The following MSR1 variants were observed in gnomAD, a reference collection of about 807,000 sequenced individuals.
The protein encoded by MSR1 is macrophage scavenger receptor 1.
A neutral mutation model predicts 47.2 loss-of-function variants in MSR1; 53 were observed. That is an observed-to-expected ratio of 1.12 (90% confidence interval 0.90 to 1.41). The LOEUF (loss-of-function observed/expected upper bound fraction) is 1.41, where lower values mean the gene tolerates loss of function less well. MSR1 is among the 40% of genes most tolerant of loss of function. The pLI, the probability that MSR1 is intolerant of heterozygous loss-of-function variation, is 0.00. For missense variants in MSR1, 786 were observed against 546.9 expected (o/e 1.44, Z -4.36); for synonymous variants, 239 against 185.6 (o/e 1.29, Z -2.34).
intron 8 of MSR1, chr8:16,120,991 A>C (rs1311566592): frequency 2.6e-5 from 8 of 312,878 alleles, no homozygotes; most frequent in Non-Finnish European, 4.9e-5. Flanking sequence ...ACAAACATAC[A>C]AACTTATCAA....
chr8:16,133,191 T>A (rs916301382), intron 8 of MSR1, among the ~76,000 whole-genome samples: 3 of 152,172 alleles, frequency 2.0e-5, no homozygotes, highest in Non-Finnish European at 2.9e-5. Flanking sequence ...ATAAGCTCCA[T>A]CAAGTTCAAG....
At chr8:16,138,107 A>G (rs1032410378) in intron 8 of MSR1, among the ~76,000 whole-genome samples, 2 of 152,170 alleles carry the variant, frequency 1.3e-5, no homozygotes, top group African/African-American at 4.8e-5. Flanking sequence ...GTCCTTAGTA[A>G]AAATCAAATG....
intron 2 of MSR1, 113 bp downstream of exon 2, chr8:16,177,773 A>G (rs1427619180): frequency 1.2e-6 from 1 of 809,302 alleles, no homozygotes; most frequent in Non-Finnish European, 2.1e-6. Flanking sequence ...TGGTCAAATA[A>G]GTATTATTTT....
At chr8:16,181,709 T>A (rs1012260552) in intron 1 of MSR1, among the ~76,000 whole-genome samples, 4 of 151,916 alleles carry the variant, frequency 2.6e-5, no homozygotes, top group African/African-American at 9.7e-5. Context: ...AATGATGGGT[T>A]GATGGGTGCA....
At chr8:16,177,011 T>C (rs192200590) in intron 2 of MSR1, among the ~76,000 whole-genome samples, 6 of 152,286 alleles carry the variant, frequency 3.9e-5, no homozygotes, top group Non-Finnish European at 8.8e-5. Flanking sequence ...CGATATGTAT[T>C]TATATTTTGA....
intron 9 of MSR1, among the ~76,000 whole-genome samples, chr8:16,120,060 T>C (rs1799961733): frequency 6.6e-6 from 1 of 151,918 alleles, no homozygotes; most frequent in African/African-American, 2.4e-5. Flanking sequence ...CTTTAGAGAA[T>C]GCCTACATTT....
chr8:16,113,098 C>T (rs1392286948), intron 9 of MSR1, among the ~76,000 whole-genome samples: 2 of 151,574 alleles, frequency 1.3e-5, no homozygotes, highest in Middle Eastern at 6.8e-3. Context: ...TACAGGTGTG[C>T]ACCACCACGC....
rs1424455891 is a variant in MSR1, at chr8:16,136,289, G to A, written c.1033+7269C>T. Among the ~76,000 whole-genome samples, 6 of 152,232 alleles carry A rather than the reference G, an allele frequency of 3.9e-5. No homozygotes were observed. In the East Asian group the frequency reaches 7.7e-4, roughly 20 times the overall value. On this transcript the variant is annotated intron_variant, in intron 8 of 9. Coordinates refer to ENST00000262101, the MANE Select transcript of MSR1 (RefSeq NM_138715.3). ...CACCTCAATCTTCAGCAACCATCACGCTGATTAGTAAGCAGCCATCAACAC... is the reference window on the plus strand; with the variant it reads ...CACCTCAATCTTCAGCAACCATCACACTGATTAGTAAGCAGCCATCAACAC...
chr8:16,159,505 A>C (rs1801103366), intron 5 of MSR1, among the ~76,000 whole-genome samples: 1 of 151,966 alleles, frequency 6.6e-6, no homozygotes. Context: ...GTGATTATTA[A>C]TATAAGGGAA....
chr8:16,186,365 G>T, intron 1 of MSR1: 1 of 622,796 alleles, frequency 1.6e-6, no homozygotes, highest in Non-Finnish European at 2.7e-6. Context: ...AATCTAGAAG[G>T]CTGATGACTC....
intron 8 of MSR1, among the ~76,000 whole-genome samples, chr8:16,132,225 T>C (rs182348977): frequency 0.043 from 6,548 of 152,132 alleles, 244 homozygotes; most frequent in Middle Eastern, 0.11. Context: ...GCTGTATTCC[T>C]AGGAATTTTA....
intron 8 of MSR1, chr8:16,120,979 A>T: frequency 3.2e-6 from 1 of 312,926 alleles, no homozygotes; most frequent in Admixed American, 4.9e-5. Flanking sequence ...TTTTCTTGAC[A>T]TACAAACATA....
intron 4 of MSR1, among the ~76,000 whole-genome samples, chr8:16,167,467 C>T (rs996049266): frequency 2.0e-5 from 3 of 152,140 alleles, no homozygotes; most frequent in African/African-American, 7.2e-5. Flanking sequence ...ATCACTTGAA[C>T]CTGGGAGGCA....
At chr8:16,159,760 TTGTG>T (rs1801111291) in intron 5 of MSR1, among the ~76,000 whole-genome samples, 1 of 151,910 alleles carries the variant, frequency 6.6e-6, no homozygotes, top group Non-Finnish European at 1.5e-5. Flanking sequence ...AAGTATTCTC[TTGTG>T]AGAGAATACT....
intron 9 of MSR1, among the ~76,000 whole-genome samples, chr8:16,118,545 G>A (rs546917475): frequency 6.6e-6 from 1 of 152,198 alleles, no homozygotes; most frequent in Admixed American, 6.5e-5. Flanking sequence ...CAGGTGTGAT[G>A]GTGCATGCTG....
intron 8 of MSR1, among the ~76,000 whole-genome samples, chr8:16,132,271 C>G (rs1800278844): frequency 2.6e-5 from 4 of 151,806 alleles, no homozygotes. Flanking sequence ...GGTTGCATTC[C>G]TGATTTGGCT....
chr8:16,164,888 A>G (rs1267525273), intron 4 of MSR1, among the ~76,000 whole-genome samples: 1 of 152,088 alleles, frequency 6.6e-6, no homozygotes, highest in Non-Finnish European at 1.5e-5. Flanking sequence ...TGTGAAAAAG[A>G]CAGAGGATCT....
Position 16,120,496 on chromosome 8 carries a change from G to A in MSR1, c.1144C>T (p.Arg382Cys), listed in dbSNP as rs751625198. 4.3e-6 allele frequency: 7 copies of A among 1,613,462 alleles called. No homozygotes were observed. The highest frequency in any genetic ancestry group is 5.9e-6 in the Non-Finnish European group (7 of 1,179,876). Reference protein sequence around the residue: ...GTICDDRWEVRVGQVVCRSLG... With the variant: ...GTICDDRWEVCVGQVVCRSLG... ...CTCCTACAGACGACCTGTCCAACGCGCACTTCCCAGCGATCGTCACAAATT... is the reference window on the plus strand; with the variant it reads ...CTCCTACAGACGACCTGTCCAACGCACACTTCCCAGCGATCGTCACAAATT... Residue 382 changes from arginine to cysteine, a missense_variant, in exon 9 of 10, where the codon CGC (arginine) becomes TGC (cysteine). By Grantham distance (180) the Arg-to-Cys change is radical. Transcript: ENST00000262101.
chr8:16,179,869 C>G (rs932181879), intron 1 of MSR1, among the ~76,000 whole-genome samples: 2 of 130,466 alleles, frequency 1.5e-5, no homozygotes, highest in Non-Finnish European at 3.2e-5. Context: ...AAGAGTGAAA[C>G]CCTGTGTCTC....
Sources: allele counts gnomAD v4.1 joint callset (sites outside exome capture counted in the v4.1 genomes callset), GRCh38; gene constraint gnomAD v4.1.1; transcripts MANE v1.5; gene names NCBI Gene and HGNC (gene_info 2026-07-23, HGNC 2026-07-21).